The following PATL1 variants were observed in gnomAD, a reference collection of about 807,000 sequenced individuals.
The protein encoded by PATL1 is PAT1 homolog 1, processing body mRNA decay factor.
PATL1 carries 32 observed loss-of-function variants against 100.6 expected under a neutral mutation model. That is an observed-to-expected ratio of 0.32 (90% CI 0.24 to 0.43). The LOEUF (loss-of-function observed/expected upper bound fraction) is 0.43, where lower values mean the gene tolerates loss of function less well. Ranked by LOEUF, PATL1 falls within the 20% of genes least tolerant of loss-of-function variation. The pLI is 1.00. For missense variants in PATL1, 747 were observed against 949.9 expected (o/e 0.79, Z 2.81); for synonymous variants, 332 against 330.0 (o/e 1.01, Z -0.07).
chr11:59,649,848 G>A (rs951411030), intron 13 of PATL1, among the ~76,000 whole-genome samples: 3 of 151,856 alleles, frequency 2.0e-5, no homozygotes, highest in South Asian at 2.1e-4. Context: ...TAGTCTAGAC[G>A]CGGTGGCTCA....
At chr11:59,651,131 A>G (rs1045523513) in intron 12 of PATL1, among the ~76,000 whole-genome samples, 1 of 152,128 alleles carries the variant, frequency 6.6e-6, no homozygotes, top group Non-Finnish European at 1.5e-5. Context: ...TATAGGGTAC[A>G]TGTGTTTGTT....
rs763620193 is a variant in PATL1, at chr11:59,638,428, G to A, written c.2292-17C>T. ...TGAACTAGCCTAGGAGTACAAAGGA[G>A]AGAAAGGAAAATTGTATAAATGAGT... On this transcript the variant is annotated splice_polypyrimidine_tract_variant and intron_variant, in intron 18 of 18. Coordinates refer to ENST00000300146, the MANE Select transcript of PATL1 (RefSeq NM_152716.3). 6.2e-6 allele frequency: 10 copies of A among 1,606,072 alleles called. No individual in the cohort carries two copies. In the East Asian group the frequency reaches 1.3e-4, roughly 21 times the overall value.
At chr11:59,666,620 G>A (rs191558741) in intron 2 of PATL1, among the ~76,000 whole-genome samples, 21 of 152,308 alleles carry the variant, frequency 1.4e-4, no homozygotes, top group African/African-American at 5.1e-4. Flanking sequence ...ATAGCTGGAA[G>A]GGGCAAGGCT....
chr11:59,657,624 C>A lies in PATL1; in HGVS notation c.527G>T (p.Arg176Leu), dbSNP rs1241905412. 6.2e-7 allele frequency: 1 copy of A among 1,613,132 alleles called. No homozygotes were observed. Among genetic ancestry groups the A allele is most frequent in the Non-Finnish European group, 8.5e-7 (1 of 1,179,782 alleles). ...RDLSERALPR[R>L]STSPIIGSPP... ...ACTGCCAATGATAGGTGAAGTTGAC[C>A]GCCTTGGTAATGCTCGTTCAGAAAG... The change falls in exon 5 of 19, where the codon CGG becomes CTG. Residue 176 changes from arginine to leucine, a missense_variant. Around this residue, in one of 4 missense-constraint regions of PATL1, gnomAD observed 183 missense variants for 221.2 expected, o/e 0.83. Coordinates refer to ENST00000300146, the MANE Select transcript of PATL1 (RefSeq NM_152716.3).
rs1379861234 is a variant in PATL1, at chr11:59,656,515, T to C, written c.707A>G (p.Gln236Arg). 6.2e-7 allele frequency: 1 copy of C among 1,613,806 alleles called. No individual in the cohort carries two copies. The highest frequency in any genetic ancestry group is 2.2e-5 in the East Asian group (1 of 44,894). ...GTGACATACCGGGACACTGCAGAGC[T>C]GGTTTGGAGACATCCTCTCACCATA... ...APYGERMSPN[Q>R]LCSVPNSSLL... The change falls in exon 6 of 19, where the codon CAG becomes CGG. Residue 236 changes from glutamine to arginine, a missense_variant. Around this residue, in one of 4 missense-constraint regions of PATL1, gnomAD observed 127 missense variants for 116.0 expected, o/e 1.09. Transcript: ENST00000300146.
At chr11:59,642,778 GCCTTT>G in intron 16 of PATL1, 97 bp downstream of exon 16, 1 of 1,277,136 alleles carries the variant, frequency 7.8e-7, no homozygotes, top group South Asian at 1.7e-5. Context: ...ACTGAAAGAA[GCCTTT>G]TTCCCAAGTT....
intron 14 of PATL1, 116 bp downstream of exon 14, chr11:59,649,346 T>C (rs1861408706): frequency 9.5e-7 from 1 of 1,052,736 alleles, no homozygotes; most frequent in South Asian, 1.7e-5. Flanking sequence ...AAAGGATAGA[T>C]TCTGAGCTTA....
At chr11:59,652,277 T>C (rs1861458718) in intron 11 of PATL1, among the ~76,000 whole-genome samples, 187 bp downstream of exon 11, 1 of 152,088 alleles carries the variant, frequency 6.6e-6, no homozygotes, top group Non-Finnish European at 1.5e-5. Context: ...AAAAGGCACA[T>C]GTCAAAGCGT....
In PATL1 at chr11:59,647,300, T is replaced by TA. The variant is rs558396565; in HGVS notation, c.1893+453dup. ...ATACCATTTAACTAAGTCTACAGGCTAATGTTAAGCTACTGATAACAGAAC... is the reference window on the plus strand; with the variant it reads ...ATACCATTTAACTAAGTCTACAGGCTAAATGTTAAGCTACTGATAACAGAAC... On this transcript the variant is annotated intron_variant, in intron 15 of 18. Transcript: ENST00000300146. Among the ~76,000 whole-genome samples, 12 of 150,322 alleles carry TA rather than the reference T, an allele frequency of 8.0e-5. No homozygotes were observed. In the South Asian group the frequency reaches 2.3e-3, roughly 29 times the overall value.
intron 17 of PATL1, 23 bp from the exon 18 acceptor site, chr11:59,639,220 A>G: frequency 1.2e-6 from 2 of 1,609,516 alleles, no homozygotes; most frequent in East Asian, 2.2e-5. Flanking sequence ...ACCCATAATA[A>G]TATCAGGAGA....
At position 59,639,089 on chromosome 11, in the gene PATL1, A is replaced by G. The variant is rs374978239; in HGVS notation, c.2250T>C (p.Tyr750=). The change falls in exon 18 of 19, where the codon TAT becomes TAC. Residue 750 remains tyrosine, a synonymous_variant. Transcript: ENST00000300146. ...GCAAGTTCAGTTTCTGCCGGTCAAC[A>G]TAGCGAGAAAAGAGGGACACTAGGT... ...PTNLVSLFSR[Y]VDRQKLNLLE... The G allele has an allele frequency of 9.3e-6, 15 of 1,613,872 alleles. No homozygotes were observed. The highest frequency in any genetic ancestry group is 1.3e-5 in the Non-Finnish European group (15 of 1,179,886).
rs747703894 is a variant in PATL1 at position 59,651,651 on chromosome 11, CAA to C, written c.1427-12_1427-11del. 3,988 of 1,204,318 alleles carry C rather than the reference CAA, an allele frequency of 3.3e-3. No individual in the cohort carries two copies. Among genetic ancestry groups the C allele is most frequent in the Non-Finnish European group, 3.6e-3 (3,212 of 880,984 alleles). 74.6% of individuals were successfully genotyped at this position (1,204,318 alleles called of 1,614,324 possible). On this transcript the variant is annotated splice_polypyrimidine_tract_variant and intron_variant, in intron 11 of 18. Transcript: ENST00000300146. Reference sequence around the variant, plus strand: ...GAGCCCTCAAATTGCACTGCAAAGACAAAAAAAAAAAAAATTCCAACAAAATA... The same window carrying C: ...GAGCCCTCAAATTGCACTGCAAAGACAAAAAAAAAAAATTCCAACAAAATA...
intron 2 of PATL1, among the ~76,000 whole-genome samples, chr11:59,659,810 G>T (rs1299071061): frequency 6.6e-6 from 1 of 151,942 alleles, no homozygotes; most frequent in Non-Finnish European, 1.5e-5. Flanking sequence ...AAAGTGCTGG[G>T]ATTACAAGCA....
At chr11:59,659,064 T>A in intron 3 of PATL1, 118 bp from the exon 4 acceptor site, 1 of 1,051,134 alleles carries the variant, frequency 9.5e-7, no homozygotes, top group Non-Finnish European at 1.4e-6. Context: ...TACGAAATTA[T>A]AGGGCTCCAG....
At position 59,656,052 on chromosome 11, in the gene PATL1, T is replaced by TA. The variant is rs750390194; in HGVS notation, c.724-8dup. 0.038 allele frequency: 29,043 copies of TA among 765,080 alleles called. 514 individuals are homozygous for TA. The highest frequency in any genetic ancestry group is 0.14 in the African/African-American group (5,104 of 35,704). The allele number at this position is 765,080 out of a possible 1,614,324, so 47.4% of individuals were successfully genotyped here. A position where few individuals can be genotyped will look rare whatever the true frequency, so the allele number is the denominator to read the frequency against. On this transcript the variant is annotated splice_polypyrimidine_tract_variant and splice_region_variant and intron_variant, in intron 6 of 18. Transcript: ENST00000300146. ...GACCCAGGAGGGAAGAGTTCTAAGGTAAAAAAAAAAAAAAAAAAAAGAATA... is the reference window on the plus strand; with the variant it reads ...GACCCAGGAGGGAAGAGTTCTAAGGTAAAAAAAAAAAAAAAAAAAAAGAATA...
intron 16 of PATL1, among the ~76,000 whole-genome samples, chr11:59,640,812 T>C (rs1430679181): frequency 2.0e-5 from 3 of 151,892 alleles, no homozygotes; most frequent in Non-Finnish European, 4.4e-5. Flanking sequence ...GCAGTACTGC[T>C]TGAGTCCAGG....
chr11:59,643,133 A>ATGATAGAGT (rs1861311418), intron 15 of PATL1, 98 bp from the exon 16 acceptor site: 1 of 1,283,934 alleles, frequency 7.8e-7, no homozygotes, highest in Admixed American at 2.4e-5. Context: ...TGTATATTCA[A>ATGATAGAGT]CCACTTAAGG....
Position 59,651,655 on chromosome 11 carries a change from A to G in PATL1, c.1427-14T>C. On this transcript the variant is annotated splice_polypyrimidine_tract_variant and intron_variant, in intron 11 of 18. Transcript: ENST00000300146. The stretch of plus-strand genomic sequence containing the variant: ...CCTCAAATTGCACTGCAAAGACAAA[A>G]AAAAAAAAAATTCCAACAAAATAAA... 6.5e-7 allele frequency: 1 copy of G among 1,542,044 alleles called. No homozygotes were observed. The highest frequency in any genetic ancestry group is 8.8e-7 in the Non-Finnish European group (1 of 1,133,460).
In PATL1 at chr11:59,668,900, GGGGAGGGGGGCA is replaced by G; in HGVS notation, c.-17_-6del. On this transcript the variant is annotated 5_prime_UTR_variant, in exon 1 of 19. Transcript: ENST00000300146. ...GCTCACCTCGTAGCGGAACATTCTT[GGGGAGGGGGGCA>G]GGGAGCGGGGAGGGGAGAGGGGGAG... 6.2e-6 allele frequency: 6 copies of G among 962,436 alleles called. No individual in the cohort carries two copies. The highest frequency in any genetic ancestry group is 1.7e-5 in the African/African-American group (1 of 58,524). The allele number at this position is 962,436 out of a possible 1,614,324, so 59.6% of individuals were successfully genotyped here.
Sources: gnomAD v4.1 joint callset for allele counts (sites outside exome capture counted in the v4.1 genomes callset) on GRCh38, gnomAD v4.1.1 for gene constraint, gnomAD v4.1.1 regional missense constraint, MANE v1.5 for transcripts, NCBI Gene and HGNC (gene_info 2026-07-23, HGNC 2026-07-21) for gene names.